The following ZNF827 variants were observed in gnomAD, a reference collection of about 807,000 sequenced individuals.
ZNF827 encodes the protein zinc finger protein 827.
Under a neutral mutation model 102.4 loss-of-function variants are expected in ZNF827, and 13 were observed. The ratio of observed to expected loss-of-function variants is 0.13; its 90% CI spans 0.08 to 0.20. The LOEUF (loss-of-function observed/expected upper bound fraction) is 0.20, where lower values mean the gene tolerates loss of function less well. ZNF827 is among the 10% of genes least tolerant of loss of function. ZNF827 has a pLI of 1.00. For missense variants in ZNF827, 1,103 were observed against 1,344.4 expected, an observed-to-expected ratio of 0.82 and a Z score of 2.81; for synonymous variants, 523 against 536.2, an observed-to-expected ratio of 0.98 and a Z score of 0.34.
At chr4:145,914,638 C>A (rs6816078) in intron 1 of ZNF827, among the ~76,000 whole-genome samples, 85,959 of 152,118 alleles carry the variant, frequency 0.57, 27,574 homozygotes, top group African/African-American at 0.87. Flanking sequence ...AAAACAACAA[C>A]AATTAACAAA....
chr4:145,919,290 T>C (rs978397699), intron 1 of ZNF827, among the ~76,000 whole-genome samples: 2 of 152,128 alleles, frequency 1.3e-5, no homozygotes, highest in African/African-American at 2.4e-5. Context: ...ATTGAGTATT[T>C]AAAAGAGGAG....
chr4:145,802,621 G>A (rs902501194), intron 8 of ZNF827, among the ~76,000 whole-genome samples: 2 of 152,202 alleles, frequency 1.3e-5, no homozygotes, highest in African/African-American at 4.8e-5. Flanking sequence ...CCCGCCAGCC[G>A]ATTATAAAAT....
In ZNF827 at chr4:145,938,768, G is replaced by A. The variant is rs1754420628; in HGVS notation, c.-361C>T. ...TGGGAGGTATAAATAAATGAGTGCC[G>A]GTGCGGCGGTGTCTATGGCCGCGCT... On this transcript the variant is annotated 5_prime_UTR_variant, in exon 1 of 15. Transcript: ENST00000508784. The A allele has an allele frequency of 4.5e-6, 1 of 222,948 alleles. No individual in the cohort carries two copies. The highest frequency in any genetic ancestry group is 9.9e-5 in the South Asian group (1 of 10,142). The allele number at this position is 222,948 out of a possible 1,614,324, so 13.8% of individuals were successfully genotyped here.
At chr4:145,808,243 A>T (rs1340379738) in intron 8 of ZNF827, among the ~76,000 whole-genome samples, 2 of 152,132 alleles carry the variant, frequency 1.3e-5, no homozygotes, top group Non-Finnish European at 2.9e-5. Flanking sequence ...CCATACTCTA[A>T]CAAAGACAGC....
At chr4:145,929,671 C>T (rs373895211) in intron 1 of ZNF827, among the ~76,000 whole-genome samples, 2 of 151,942 alleles carry the variant, frequency 1.3e-5, no homozygotes, top group African/African-American at 4.8e-5. Flanking sequence ...ACCATAGAAA[C>T]CACCAAAAAG....
At position 145,761,021 on chromosome 4, in the gene ZNF827, T is replaced by C. The variant is rs746535059; in HGVS notation, c.*595A>G. The C allele has an allele frequency of 1.6e-6, 2 of 1,278,894 alleles. No individual in the cohort carries two copies. The highest frequency in any genetic ancestry group is 1.0e-6 in the Non-Finnish European group (1 of 982,108). 79.2% of individuals were successfully genotyped at this position (1,278,894 alleles called of 1,614,324 possible). On this transcript the variant is annotated 3_prime_UTR_variant, in exon 15 of 15. Coordinates refer to ENST00000508784, the MANE Select transcript of ZNF827 (RefSeq NM_001306215.2). This position sits in a 1 kb window ranked among gnomAD's most constrained non-coding sequence, Gnocchi z 6.8. ...AGTGCCAGGTTGGGCTCTGAGCTGCTGCCGTGGGCTGCCGACAGGGCCACG... is the reference window on the plus strand; with the variant it reads ...AGTGCCAGGTTGGGCTCTGAGCTGCCGCCGTGGGCTGCCGACAGGGCCACG...
intron 1 of ZNF827, among the ~76,000 whole-genome samples, chr4:145,927,521 AC>A (rs1358511651): frequency 3.9e-5 from 6 of 152,204 alleles, no homozygotes; most frequent in Non-Finnish European, 8.8e-5. Context: ...GGAGGGAAAT[AC>A]TATTGGCAGC....
At chr4:145,821,552 T>C (rs1743146208) in intron 8 of ZNF827, among the ~76,000 whole-genome samples, 1 of 152,090 alleles carries the variant, frequency 6.6e-6, no homozygotes, top group Non-Finnish European at 1.5e-5. Flanking sequence ...TCACCTTGCT[T>C]ATTAAAACAA....
intron 8 of ZNF827, among the ~76,000 whole-genome samples, chr4:145,794,690 AC>A (rs1740191772): frequency 1.3e-5 from 2 of 151,876 alleles, no homozygotes; most frequent in South Asian, 4.2e-4. Flanking sequence ...ACAGGGCGAG[AC>A]CCTGTCTCAG....
chr4:145,918,004 T>C (rs1313809695), intron 1 of ZNF827, among the ~76,000 whole-genome samples: 1 of 152,164 alleles, frequency 6.6e-6, no homozygotes, highest in Non-Finnish European at 1.5e-5. Flanking sequence ...TTTAAAGAAG[T>C]TATTTGAAAC....
intron 2 of ZNF827, among the ~76,000 whole-genome samples, chr4:145,894,404 A>C (rs1400087401): frequency 6.6e-6 from 1 of 152,202 alleles, no homozygotes; most frequent in Non-Finnish European, 1.5e-5. Context: ...GTACTATTTG[A>C]ATTTTTTAAT....
At chr4:145,830,660 T>C (rs554622615) in intron 7 of ZNF827, 3 of 152,320 alleles carry the variant, frequency 2.0e-5, no homozygotes, top group African/African-American at 7.2e-5. Flanking sequence ...TATTTATATA[T>C]GTACATGTTG....
chr4:145,938,514 C>G lies in ZNF827; in HGVS notation c.-107G>C, dbSNP rs970413443. ...CAGGAGCGGGGAGGTAGTTGGGGGG[C>G]GGGCGGGCGGGCAGGGGGAAACCCC... On this transcript the variant is annotated 5_prime_UTR_variant, in exon 1 of 15. Transcript: ENST00000508784. The G allele has an allele frequency of 1.6e-5, 1 of 62,736 alleles. No homozygotes were observed. 3.9% of individuals were successfully genotyped at this position (62,736 alleles called of 1,614,324 possible).
At chr4:145,798,557 T>C (rs540649302) in intron 8 of ZNF827, among the ~76,000 whole-genome samples, 27 of 152,220 alleles carry the variant, frequency 1.8e-4, no homozygotes, top group African/African-American at 6.3e-4. Context: ...TCCTGGCTAC[T>C]TGGGAGGCTG....
Position 145,870,336 on chromosome 4 carries a change from C to T in ZNF827, c.1890G>A (p.Glu630=), listed in dbSNP as rs111422593. The stretch of plus-strand genomic sequence containing the variant: ...TCCCTTCCTGGGGCTTTAGTGCGTC[C>T]TCAGAGACGCCTGGGGCTGACACTT... ...ESEVSAPGVS[E]DALKPQEGKG... The change falls in exon 5 of 15, where the codon GAG becomes GAA. Residue 630 remains glutamate, a synonymous_variant. Coordinates refer to ENST00000508784, the MANE Select transcript of ZNF827 (RefSeq NM_001306215.2). 9.7e-5 allele frequency: 157 copies of T among 1,614,116 alleles called. 2 individuals carry two copies. In the African/African-American group the frequency reaches 1.6e-3, roughly 16 times the overall value.
chr4:145,810,474 C>T (rs1009670291), intron 8 of ZNF827, among the ~76,000 whole-genome samples: 2 of 151,930 alleles, frequency 1.3e-5, no homozygotes, highest in Non-Finnish European at 2.9e-5. Context: ...AAAAATAGAA[C>T]AAAGGATATA....
intron 5 of ZNF827, among the ~76,000 whole-genome samples, chr4:145,858,967 C>A (rs568904751): frequency 8.5e-5 from 13 of 152,266 alleles, no homozygotes; most frequent in Admixed American, 7.2e-4. Context: ...TAGTATATAA[C>A]ACTAGTAGAT....
intron 7 of ZNF827, among the ~76,000 whole-genome samples, chr4:145,827,071 T>C (rs1579300241): frequency 1.3e-5 from 2 of 152,320 alleles, no homozygotes; most frequent in East Asian, 3.9e-4. Context: ...TTGAAACATA[T>C]TCCCTGTGTG....
Position 145,903,139 on chromosome 4 carries a change from C to G in ZNF827, c.120G>C (p.Pro40=). 6.2e-7 allele frequency: 1 copy of G among 1,614,220 alleles called. No individual in the cohort carries two copies. Among genetic ancestry groups the G allele is most frequent in the Non-Finnish European group, 8.5e-7 (1 of 1,180,042 alleles). The change falls in exon 2 of 15, where the codon CCG becomes CCC. Residue 40 remains proline (P), a synonymous_variant. Transcript: ENST00000508784. ...GGACTTCCCCATAGGATGCTTCTGA[C>G]GGAGTCTCTGAAGAGTTTCCATACC... ...EHWYGNSSET[P]SEASYGEVQE...
Sources: gnomAD v4.1 joint callset for allele counts (sites outside exome capture counted in the v4.1 genomes callset) on GRCh38, gnomAD v4.1.1 for gene constraint, Gnocchi (gnomAD v3.1) non-coding constraint, MANE v1.5 for transcripts, NCBI Gene and HGNC (gene_info 2026-07-23, HGNC 2026-07-21) for gene names.